The following KIF1B variants were observed in gnomAD, a reference collection of about 807,000 sequenced individuals.
KIF1B encodes the protein kinesin family member 1B, also known as kinesin-like protein KIF1B.
Under a neutral mutation model 241.9 loss-of-function variants are expected in KIF1B, and 76 were observed. That is an observed-to-expected ratio of 0.31 (90% CI 0.26 to 0.38). The LOEUF (loss-of-function observed/expected upper bound fraction) is 0.38. Ranked by LOEUF, KIF1B falls within the 10% of genes least tolerant of loss-of-function variation. The probability of loss-of-function intolerance (pLI) is 1.00; values close to 1 mark genes in which losing one functional copy is unlikely to be tolerated. For missense variants in KIF1B, 1,622 were observed against 2,271.4 expected (o/e 0.71, Z 5.81); for synonymous variants, 750 against 796.7 (o/e 0.94, Z 0.99).
intron 32 of KIF1B, 81 bp from the exon 33 acceptor site, chr1:10,341,965 AAAAC>A: frequency 1.0e-6 from 1 of 975,390 alleles, no homozygotes. Context: ...AAAAAAAAAA[AAAAC>A]CCAAAATACG....
At chr1:10,282,616 G>A (rs1044586570) in intron 15 of KIF1B, 83 bp downstream of exon 15, 21 of 1,150,360 alleles carry the variant, frequency 1.8e-5, no homozygotes, top group African/African-American at 1.2e-4. Flanking sequence ...CTAAGATTTC[G>A]ACTCAGCATA....
chr1:10,236,140 T>C (rs969207488), intron 2 of KIF1B, among the ~76,000 whole-genome samples: 1 of 149,980 alleles, frequency 6.7e-6, no homozygotes, highest in Admixed American at 6.7e-5. Context: ...GACGTGGTGA[T>C]GCGCGCCTGT....
chr1:10,244,980 A>T (rs1395760708), intron 2 of KIF1B, among the ~76,000 whole-genome samples: 1 of 152,158 alleles, frequency 6.6e-6, no homozygotes. Context: ...TGTCACTGGG[A>T]TTTTTAACAA....
At chr1:10,234,330 C>A (rs929370970) in intron 2 of KIF1B, among the ~76,000 whole-genome samples, 1 of 151,740 alleles carries the variant, frequency 6.6e-6, no homozygotes, top group Non-Finnish European at 1.5e-5. Flanking sequence ...GCCTCAGCAT[C>A]TTGAGTAGCT....
At chr1:10,313,435 G>T (rs1348992382) in intron 22 of KIF1B, among the ~76,000 whole-genome samples, 1 of 151,046 alleles carries the variant, frequency 6.6e-6, no homozygotes, top group Non-Finnish European at 1.5e-5. Flanking sequence ...AACACTTCCT[G>T]ATACAAAATA....
rs1472896443 is a variant in KIF1B, at chr1:10,210,613, G to A, written c.-345G>A. On this transcript the variant is annotated 5_prime_UTR_variant, in exon 1 of 49. Transcript: ENST00000676179. The surrounding 1 kb of genome is among the most constrained non-coding windows in gnomAD (Gnocchi z 4.1). ...CTGGGAGGCGCCCGCGCGCGTCGGA[G>A]CAGCTCCCCGTCCTCCGCAGCCGTC... 1.3e-5 allele frequency among the ~76,000 whole-genome samples: 2 copies of A among 151,808 alleles called. No individual in the cohort carries two copies. Among genetic ancestry groups the A allele is most frequent in the Non-Finnish European group, 2.9e-5 (2 of 67,884 alleles).
At chr1:10,281,177 T>A (rs1649387828) in intron 14 of KIF1B, among the ~76,000 whole-genome samples, 2 of 152,156 alleles carry the variant, frequency 1.3e-5, no homozygotes, top group South Asian at 4.1e-4. Flanking sequence ...AATAGTATTT[T>A]TTTCCAGCTA....
Position 10,337,505 on chromosome 1 carries a change from G to C in KIF1B, c.3394G>C (p.Glu1132Gln). The C allele has an allele frequency of 6.2e-7, 1 of 1,614,234 alleles. No homozygotes were observed. The highest frequency in any genetic ancestry group is 1.1e-5 in the South Asian group (1 of 91,088). The stretch of plus-strand genomic sequence containing the variant: ...GTTGCAGGCCAGTGGAATCCTCCCA[G>C]AGTATGCAGATATCTTCTGTCAGTT... ...TVLQASGILP[E>Q]YADIFCQFNF... The change falls in exon 31 of 49, where the codon GAG (glutamate) becomes CAG (glutamine). Residue 1132 changes from glutamate to glutamine, a missense_variant. Coordinates refer to ENST00000676179, the MANE Select transcript of KIF1B (RefSeq NM_001365951.3). This position sits in a 1 kb window ranked among gnomAD's most constrained non-coding sequence, Gnocchi z 4.0.
chr1:10,325,216 T>A (rs1651683204), intron 26 of KIF1B, among the ~76,000 whole-genome samples: 1 of 152,234 alleles, frequency 6.6e-6, no homozygotes, highest in Non-Finnish European at 1.5e-5. Flanking sequence ...CTACACAGTT[T>A]AAATTCATAG....
At chr1:10,277,454 C>T (rs1329552770) in intron 12 of KIF1B, among the ~76,000 whole-genome samples, 1 of 152,072 alleles carries the variant, frequency 6.6e-6, no homozygotes, top group Non-Finnish European at 1.5e-5. Flanking sequence ...CCTACTTCAG[C>T]CTCTCAAGTA....
rs1638984959 is a variant in KIF1B, at chr1:10,380,133, A to G, written c.*3546A>G. ...AAAACAAGATGACTTTTCCTGGCAC[A>G]TATTCCAAAGCAAAGACTTTGTTGC... On this transcript the variant is annotated 3_prime_UTR_variant, in exon 49 of 49. Coordinates refer to ENST00000676179, the MANE Select transcript of KIF1B (RefSeq NM_001365951.3). The G allele has an allele frequency of 4.4e-6, 1 of 224,894 alleles. No homozygotes were observed. The highest frequency in any genetic ancestry group is 1.8e-4 in the South Asian group (1 of 5,460). 13.9% of individuals were successfully genotyped at this position (224,894 alleles called of 1,614,324 possible).
rs375956330 is a variant in KIF1B, at chr1:10,321,901, C to T, written c.2358+44C>T. ...CAGGAGAGCTGGAGGCAAAGCCGAG[C>T]CTGCTGTGGGTGCATCTGGGTTCTC... is the stretch of plus-strand genomic sequence containing the variant. On this transcript the variant is annotated intron_variant, in intron 24 of 48. Transcript: ENST00000676179. 28 of 1,611,122 alleles carry T rather than the reference C, an allele frequency of 1.7e-5. No individual in the cohort carries two copies. The Admixed American group carries it at 4.5e-4, about 26-fold the overall frequency.
intron 2 of KIF1B, among the ~76,000 whole-genome samples, chr1:10,248,524 T>C (rs1038939029): frequency 6.6e-6 from 1 of 152,164 alleles, no homozygotes; most frequent in South Asian, 2.1e-4. Context: ...GATGTATGAA[T>C]GGACCCATCT....
At chr1:10,356,677 G>A (rs1187666524) in intron 38 of KIF1B, among the ~76,000 whole-genome samples, 4 of 151,944 alleles carry the variant, frequency 2.6e-5, no homozygotes, top group African/African-American at 7.3e-5. Context: ...CGAGGCGGGC[G>A]GATCATGAGG....
At chr1:10,290,140 A>T (rs555826234) in intron 15 of KIF1B, among the ~76,000 whole-genome samples, 292 of 152,166 alleles carry the variant, frequency 1.9e-3, no homozygotes, top group Admixed American at 3.1e-3. Flanking sequence ...AAATTAAATT[A>T]AATTTAATTT....
intron 22 of KIF1B, chr1:10,306,875 A>G (rs1348196905): frequency 1.9e-6 from 2 of 1,043,558 alleles, no homozygotes; most frequent in Non-Finnish European, 2.3e-6. Flanking sequence ...GTAGGTCCAT[A>G]TATTTTCATT....
At chr1:10,221,914 C>G (rs1444342785) in intron 1 of KIF1B, among the ~76,000 whole-genome samples, 1 of 152,144 alleles carries the variant, frequency 6.6e-6, no homozygotes, top group Non-Finnish European at 1.5e-5. Flanking sequence ...CTCCCAGGTT[C>G]AAGCGATTCT....
At chr1:10,260,294 T>C (rs1648055699) in intron 4 of KIF1B, among the ~76,000 whole-genome samples, 1 of 152,194 alleles carries the variant, frequency 6.6e-6, no homozygotes, top group South Asian at 2.1e-4. Context: ...AGATTTGAAA[T>C]GGCACACCTG....
At chr1:10,372,691 G>A (rs1294066604) in intron 45 of KIF1B, among the ~76,000 whole-genome samples, 3 of 130,524 alleles carry the variant, frequency 2.3e-5, no homozygotes, top group Admixed American at 7.4e-5. Flanking sequence ...GCGCAGCGGC[G>A]CAATCTCGGC....
Sources: allele counts gnomAD v4.1 joint callset (sites outside exome capture counted in the v4.1 genomes callset), GRCh38; gene constraint gnomAD v4.1.1; non-coding constraint Gnocchi (gnomAD v3.1); transcripts MANE v1.5; gene names NCBI Gene and HGNC (gene_info 2026-07-23, HGNC 2026-07-21).